Variants in MDN1 observed in about 807,000 individuals in gnomAD.
MDN1 encodes midasin.
A neutral mutation model predicts 669.2 loss-of-function variants in MDN1; 266 were observed. That is an observed-to-expected ratio of 0.40 (90% CI 0.36 to 0.44). MDN1 has a LOEUF of 0.44. MDN1 is among the 20% of genes least tolerant of loss of function. The pLI is 1.00. For missense variants in MDN1, 5,940 were observed against 6,754.0 expected (o/e 0.88, Z 4.22); for synonymous variants, 2,385 against 2,457.1 (o/e 0.97, Z 0.87).
intron 15 of MDN1, among the ~76,000 whole-genome samples, chr6:89,764,215 C>T (rs1237693452): frequency 1.3e-5 from 2 of 152,112 alleles, no homozygotes; most frequent in Admixed American, 1.3e-4. Flanking sequence ...GAACTCATCC[C>T]TTTATAAAAA....
chr6:89,663,048 C>A (rs544062816), intron 85 of MDN1, 81 bp from the exon 86 acceptor site: 9 of 1,507,250 alleles, frequency 6.0e-6, no homozygotes, highest in South Asian at 1.2e-5. Flanking sequence ...GGACCCGCTT[C>A]CCTAGCAAGG....
intron 31 of MDN1, among the ~76,000 whole-genome samples, chr6:89,740,635 C>T (rs773042388): frequency 3.9e-5 from 6 of 152,032 alleles, no homozygotes; most frequent in Admixed American, 6.6e-5. Flanking sequence ...GAATAACTTA[C>T]AAGAAAACAA....
Position 89,807,315 on chromosome 6 carries a change from G to C in MDN1, c.103-3761C>G, listed in dbSNP as rs560689676. Among the ~76,000 whole-genome samples, 19 of 152,202 alleles carry C rather than the reference G, an allele frequency of 1.2e-4. 1 individual carries two copies. The South Asian group carries it at 3.9e-3, about 32-fold the overall frequency. On this transcript the variant is annotated intron_variant, in intron 1 of 101. Coordinates refer to ENST00000369393, the MANE Select transcript of MDN1 (RefSeq NM_014611.3). ...TTGCCCAGGCTGGTCTCGAACTCCT[G>C]GGCTCAAGAGATCCACCTACCTAAG...
chr6:89,677,016 C>CAAA (rs577064668), intron 76 of MDN1, among the ~76,000 whole-genome samples: 8 of 80,270 alleles, frequency 1.0e-4, no homozygotes, highest in South Asian at 4.1e-4. Context: ...AATCAAAAGG[C>CAAA]AAAAAAAAAA....
intron 1 of MDN1, among the ~76,000 whole-genome samples, chr6:89,805,034 CAAAAAAAAAAA>C (rs34538984): frequency 1.0e-4 from 6 of 58,518 alleles, no homozygotes; most frequent in Non-Finnish European, 1.5e-4. Context: ...GACTCCGTCT[CAAAAAAAAAAA>C]AAAAAAAAAA....
intron 1 of MDN1, among the ~76,000 whole-genome samples, chr6:89,813,544 T>A (rs1318042059): frequency 2.9e-5 from 4 of 139,798 alleles, no homozygotes; most frequent in Admixed American, 7.3e-5. Context: ...GAGCAGACTC[T>A]GTCTCAAAAA....
chr6:89,784,087 G>A (rs1362396862), intron 9 of MDN1, among the ~76,000 whole-genome samples: 5 of 152,102 alleles, frequency 3.3e-5, no homozygotes, highest in Admixed American at 2.0e-4. Context: ...GCCAAGGCAG[G>A]CAGGTCACCT....
intron 40 of MDN1, among the ~76,000 whole-genome samples, chr6:89,721,608 G>A (rs1267312624): frequency 6.6e-6 from 1 of 152,150 alleles, no homozygotes; most frequent in Non-Finnish European, 1.5e-5. Flanking sequence ...AAGCAAGCAT[G>A]CAGCTTACTG....
At chr6:89,660,904 A>G (rs899528758) in intron 88 of MDN1, among the ~76,000 whole-genome samples, 23 of 152,218 alleles carry the variant, frequency 1.5e-4, no homozygotes, top group African/African-American at 5.3e-4. Flanking sequence ...CTAATACCAG[A>G]TAACACTCCC....
intron 96 of MDN1, 122 bp downstream of exon 96, chr6:89,650,610 G>T: frequency 1.4e-6 from 1 of 718,810 alleles, no homozygotes; most frequent in Non-Finnish European, 2.3e-6. Flanking sequence ...ACTGGTGCCT[G>T]TACGGCACAA....
intron 1 of MDN1, among the ~76,000 whole-genome samples, chr6:89,806,056 G>A (rs1011678280): frequency 2.6e-5 from 4 of 151,976 alleles, no homozygotes; most frequent in East Asian, 3.9e-4. Flanking sequence ...TCCCAACTGA[G>A]TCCCCTAAGT....
chr6:89,736,289 T>C (rs553811698), intron 33 of MDN1, among the ~76,000 whole-genome samples: 1 of 152,142 alleles, frequency 6.6e-6, no homozygotes, highest in South Asian at 2.1e-4. Flanking sequence ...GGCTCAGAGG[T>C]AAGTCCTCAG....
intron 50 of MDN1, among the ~76,000 whole-genome samples, chr6:89,709,577 T>C (rs1335501532): frequency 1.3e-5 from 2 of 152,228 alleles, no homozygotes; most frequent in African/African-American, 4.8e-5. Context: ...TTTGATTTCT[T>C]CCCATTCACT....
chr6:89,696,640 G>A, intron 59 of MDN1, 66 bp from the exon 60 acceptor site: 1 of 1,235,280 alleles, frequency 8.1e-7, no homozygotes, highest in Non-Finnish European at 1.2e-6. Context: ...CAGCATTAGG[G>A]AACCTGAGAG....
At position 89,744,841 on chromosome 6, in the gene MDN1, C is replaced by T. The variant is rs190585093; in HGVS notation, c.4178+432G>A. Among the ~76,000 whole-genome samples, 65 of 150,168 alleles carry T rather than the reference C, an allele frequency of 4.3e-4. 1 individual carries two copies. The East Asian group carries it at 9.9e-3, about 23-fold the overall frequency. ...AAGGCTGCAGTGAGCCGTATCGCACCACTGCACTCCAGCCTGGACAACAGA... is the reference window on the plus strand; with the variant it reads ...AAGGCTGCAGTGAGCCGTATCGCACTACTGCACTCCAGCCTGGACAACAGA... On this transcript the variant is annotated intron_variant, in intron 29 of 101. Coordinates refer to ENST00000369393, the MANE Select transcript of MDN1 (RefSeq NM_014611.3).
rs761272085 is a variant in MDN1, at chr6:89,658,715, A to G, written c.14916T>C (p.Pro4972=). ...GCTGCTGCTCCTCAGAGTGTTCTTC[A>G]GGATGCTGAGCAGCATCTCCATCTT... ...DDQDGDAAQH[P]EEHSEEQQQS... is the part of the protein sequence containing the mutation. The change falls in exon 89 of 102, where the codon CCT becomes CCC. Residue 4972 remains proline, a synonymous_variant. Coordinates refer to ENST00000369393, the MANE Select transcript of MDN1 (RefSeq NM_014611.3). 4.8e-5 allele frequency: 77 copies of G among 1,614,144 alleles called. 6 individuals are homozygous for G. The South Asian group carries it at 8.2e-4, about 17-fold the overall frequency.
Position 89,729,136 on chromosome 6 carries a change from G to T in MDN1, c.5144C>A (p.Pro1715His). 1 of 1,611,004 alleles carries T rather than the reference G, an allele frequency of 6.2e-7. No homozygotes were observed. Among genetic ancestry groups the T allele is most frequent in the Non-Finnish European group, 8.5e-7 (1 of 1,179,346 alleles). ...GIHPFFIPRG[P>H]VLHRNNIADY... ...TGCAATATTATTCCTGTGTAGGACA[G>T]GTCCTTAAGTGGAGAAAAGTAAAGT... is the stretch of plus-strand genomic sequence containing the variant. Residue 1715 changes from proline (P) to histidine (H), a missense_variant, in exon 36 of 102, where the codon CCT becomes CAT. Physicochemically the swap from Pro to His is moderately conservative, Grantham distance 77. Around this residue, in one of 5 missense-constraint regions of MDN1, gnomAD observed 2,292 missense variants for 2,638.3 expected, o/e 0.87. Coordinates refer to ENST00000369393, the MANE Select transcript of MDN1 (RefSeq NM_014611.3).
At chr6:89,748,237 A>G (rs1400020366) in intron 26 of MDN1, among the ~76,000 whole-genome samples, 1 of 152,166 alleles carries the variant, frequency 6.6e-6, no homozygotes, top group East Asian at 1.9e-4. Context: ...GAGGCAGGGG[A>G]ATTGCTTGAA....
At chr6:89,759,985 T>C (rs992546741) in intron 17 of MDN1, among the ~76,000 whole-genome samples, 2 of 151,758 alleles carry the variant, frequency 1.3e-5, no homozygotes, top group Non-Finnish European at 2.9e-5. Context: ...GGCAGGAGAA[T>C]TGCTTCAACC....
Sources: allele counts gnomAD v4.1 joint callset (sites outside exome capture counted in the v4.1 genomes callset), GRCh38; gene constraint gnomAD v4.1.1; regional missense constraint gnomAD v4.1.1; transcripts MANE v1.5; gene names NCBI Gene and HGNC (gene_info 2026-07-23, HGNC 2026-07-21).